The following C8B variants were observed in gnomAD, a reference collection of about 807,000 sequenced individuals.
The protein encoded by C8B is complement C8 beta chain.
In C8B, 67 loss-of-function variants were observed where a neutral mutation model predicts 64.6. The observed-to-expected ratio is 1.04, with a 90% CI of 0.85 to 1.27. C8B has a LOEUF of 1.27. Among genes scored for constraint, C8B ranks in the 50% most tolerant of loss-of-function variants. The probability of loss-of-function intolerance (pLI) is 0.00; values close to 1 mark genes in which losing one functional copy is unlikely to be tolerated. For synonymous variants in C8B, 284 were observed against 257.7 expected (o/e 1.10, Z -0.98); for missense variants, 790 against 725.2 (o/e 1.09, Z -1.03).
rs780737106 is a variant in C8B, at chr1:56,940,879, C to T, written c.1368G>A (p.Val456=). 2 of 1,614,012 alleles carry T rather than the reference C, an allele frequency of 1.2e-6. No homozygotes were observed. Among genetic ancestry groups the T allele is most frequent in the Middle Eastern group, 1.6e-4 (1 of 6,062 alleles). Residue 456 remains valine, a synonymous_variant, in exon 9 of 12, where the codon GTG becomes GTA. Transcript: ENST00000371237. ...CTTTGATGATGGCTGGGTTGTACTGCACAGCGTCTCCCCACTCCTGCATCA... is the reference window on the plus strand; with the variant it reads ...CTTTGATGATGGCTGGGTTGTACTGTACAGCGTCTCCCCACTCCTGCATCA... The part of the protein sequence containing the change: ...ADLMQEWGDA[V]QYNPAIIKVK...
chr1:56,931,572 C>A (rs907977240), intron 11 of C8B: 3 of 456,650 alleles, frequency 6.6e-6, no homozygotes, highest in Non-Finnish European at 1.2e-5. Context: ...CTTACAAAAG[C>A]CACGCATTGA....
chr1:56,941,037 G>T (rs1165727565), intron 8 of C8B, 25 bp from the exon 9 acceptor site: 1 of 1,613,334 alleles, frequency 6.2e-7, no homozygotes. Flanking sequence ...GAGCTAGCAG[G>T]TCACAGAAGA....
intron 9 of C8B, among the ~76,000 whole-genome samples, chr1:56,933,825 A>C (rs1037015334): frequency 6.6e-6 from 1 of 152,212 alleles, no homozygotes; most frequent in Non-Finnish European, 1.5e-5. Context: ...TGGTGGATAC[A>C]GGCACCAGCA....
At chr1:56,956,938 A>G in intron 2 of C8B, 28 bp from the exon 3 acceptor site, 5 of 1,613,742 alleles carry the variant, frequency 3.1e-6, no homozygotes, top group Non-Finnish European at 4.2e-6. Flanking sequence ...CAGGTGAACC[A>G]AGGGTAAAGC....
intron 9 of C8B, among the ~76,000 whole-genome samples, chr1:56,939,577 C>T (rs779198135): frequency 2.6e-5 from 4 of 152,274 alleles, no homozygotes; most frequent in East Asian, 1.9e-4. Context: ...GGTGTTAAGA[C>T]GTGCTATGGG....
chr1:56,944,629 A>C (rs938701932), intron 7 of C8B, among the ~76,000 whole-genome samples: 11 of 152,224 alleles, frequency 7.2e-5, no homozygotes, highest in Non-Finnish European at 1.3e-4. Context: ...ATTGGAGTAC[A>C]TTCGTGAAAC....
At chr1:56,929,635 G>C (rs1644667641) in intron 11 of C8B, 77 bp from the exon 12 acceptor site, 2 of 1,440,678 alleles carry the variant, frequency 1.4e-6, no homozygotes, top group Admixed American at 1.7e-5. Flanking sequence ...GGTGAGCTAT[G>C]TAAGCCAAAA....
chr1:56,961,190 T>A (rs536961054), intron 1 of C8B, among the ~76,000 whole-genome samples: 1 of 152,328 alleles, frequency 6.6e-6, no homozygotes, highest in African/African-American at 2.4e-5. Context: ...TGTATGATGA[T>A]TCTTATTTTT....
At chr1:56,965,612 C>T (rs941589080) in intron 1 of C8B, among the ~76,000 whole-genome samples, 2 of 152,196 alleles carry the variant, frequency 1.3e-5, no homozygotes, top group Non-Finnish European at 2.9e-5. Context: ...ATATCCTATT[C>T]TTCTCAGCAT....
chr1:56,954,735 A>C lies in C8B; in HGVS notation c.484T>G (p.Cys162Gly). 1 of 1,614,120 alleles carries C rather than the reference A, an allele frequency of 6.2e-7. No homozygotes were observed. The highest frequency in any genetic ancestry group is 1.1e-5 in the South Asian group (1 of 91,082). ...CAGTATTGGTCCATTTCATGCTGAC[A>C]TTTTTTATAAATCCTTCTACAGTTT... ...EANCRRIYKK[C>G]QHEMDQYWGI... Residue 162 changes from cysteine to glycine, a missense_variant, in exon 4 of 12, where the codon TGT becomes GGT. Physicochemically the swap from Cys to Gly is radical, Grantham distance 159. Coordinates refer to ENST00000371237, the MANE Select transcript of C8B (RefSeq NM_000066.4).
At chr1:56,958,760 A>G (rs1323756014) in intron 2 of C8B, among the ~76,000 whole-genome samples, 2 of 152,190 alleles carry the variant, frequency 1.3e-5, no homozygotes, top group Admixed American at 1.3e-4. Flanking sequence ...AATTGGATCA[A>G]TGCTGATACC....
chr1:56,943,344 A>C (rs1049943424), intron 8 of C8B, among the ~76,000 whole-genome samples: 2 of 152,196 alleles, frequency 1.3e-5, no homozygotes, highest in Non-Finnish European at 2.9e-5. Context: ...AGAGGAGATA[A>C]TCCAAGTGTT....
intron 1 of C8B, among the ~76,000 whole-genome samples, chr1:56,965,366 C>T (rs549079625): frequency 7.0e-6 from 1 of 143,094 alleles, no homozygotes; most frequent in East Asian, 2.2e-4. Context: ...CTGCTGGGAA[C>T]CTTGTGGGGG....
At chr1:56,946,382 G>A (rs1209375074) in intron 6 of C8B, among the ~76,000 whole-genome samples, 1 of 152,158 alleles carries the variant, frequency 6.6e-6, no homozygotes, top group Non-Finnish European at 1.5e-5. Flanking sequence ...CATGGGGTTT[G>A]CTAACCTGCA....
chr1:56,940,856 T>C lies in C8B; in HGVS notation c.1391A>G (p.Lys464Arg). Residue 464 changes from lysine to arginine, a missense_variant, in exon 9 of 12, where the codon AAA (lysine) becomes AGA (arginine). Transcript: ENST00000371237. ...DAVQYNPAIIKVKVEPLYELV... is the reference protein window; with the variant it reads ...DAVQYNPAIIRVKVEPLYELV... ...TAGAGCAGCGTTGTGTACCTTAACT[T>C]TGATGATGGCTGGGTTGTACTGCAC... 1 of 1,613,976 alleles carries C rather than the reference T, an allele frequency of 6.2e-7. No homozygotes were observed. Among genetic ancestry groups the C allele is most frequent in the Non-Finnish European group, 8.5e-7 (1 of 1,179,988 alleles).
intron 4 of C8B, among the ~76,000 whole-genome samples, chr1:56,953,394 A>C (rs571548963): frequency 1.3e-5 from 2 of 152,316 alleles, no homozygotes; most frequent in Non-Finnish European, 2.9e-5. Flanking sequence ...GCATCATCCT[A>C]ATCAATTTAC....
chr1:56,952,312 C>A, intron 4 of C8B, 132 bp from the exon 5 acceptor site: 1 of 1,202,884 alleles, frequency 8.3e-7, no homozygotes. Context: ...TGGTCCAAGC[C>A]AGCTTTCCAG....
Position 56,933,334 on chromosome 1 carries a change from C to T in C8B, c.1552+1G>A. On this transcript the variant is annotated splice_donor_variant, in intron 10 of 11. Coordinates refer to ENST00000371237, the MANE Select transcript of C8B (RefSeq NM_000066.4). LOFTEE classifies it high-confidence loss of function. ...GGACACCAGCTGCCTGAAAGTGGTA[C>T]CTTTCAGGACAGGGACTCCATTTCC... The T allele has an allele frequency of 6.2e-7, 1 of 1,612,472 alleles. No homozygotes were observed. Among genetic ancestry groups the T allele is most frequent in the Admixed American group, 1.7e-5 (1 of 60,000 alleles).
chr1:56,954,924 G>A, intron 3 of C8B, 97 bp from the exon 4 acceptor site: 2 of 1,386,026 alleles, frequency 1.4e-6, no homozygotes, highest in South Asian at 2.3e-5. Context: ...CTTTTGTCAG[G>A]CCTTGCATGC....
Sources: gnomAD v4.1 joint callset for allele counts (sites outside exome capture counted in the v4.1 genomes callset) on GRCh38, gnomAD v4.1.1 for gene constraint, MANE v1.5 for transcripts, NCBI Gene and HGNC (gene_info 2026-07-23, HGNC 2026-07-21) for gene names.